LRP1B: variants seen among roughly 807,000 people sequenced by gnomAD.
LRP1B encodes the protein LDL receptor related protein 1B.
In LRP1B, 217 loss-of-function variants were observed where a neutral mutation model predicts 556.6. The ratio of observed to expected loss-of-function variants is 0.39; its 90% CI spans 0.35 to 0.44. The LOEUF (loss-of-function observed/expected upper bound fraction) is 0.44. Among genes scored for constraint, LRP1B ranks in the 20% least tolerant of loss-of-function variants. The probability of loss-of-function intolerance (pLI) is 1.00; values close to 1 mark genes in which losing one functional copy is unlikely to be tolerated. For missense variants in LRP1B, 5,053 were observed against 5,620.8 expected (o/e 0.90, Z 3.23); for synonymous variants, 2,047 against 1,865.8 (o/e 1.10, Z -2.50).
At chr2:141,482,587 G>C (rs1319125093) in intron 2 of LRP1B, among the ~76,000 whole-genome samples, 1 of 151,386 alleles carries the variant, frequency 6.6e-6, no homozygotes, top group East Asian at 1.9e-4. Flanking sequence ...TAAGTGAAAG[G>C]GTTTTCACTG....
At chr2:140,766,409 C>T (rs896375666) in intron 35 of LRP1B, among the ~76,000 whole-genome samples, 2 of 151,846 alleles carry the variant, frequency 1.3e-5, no homozygotes, top group Non-Finnish European at 2.9e-5. Flanking sequence ...TCATAAAACA[C>T]AGTTAATAAA....
chr2:141,229,011 ATGTGTT>A (rs1246999711), intron 6 of LRP1B, among the ~76,000 whole-genome samples, 166 bp downstream of exon 6: 1 of 152,236 alleles, frequency 6.6e-6, no homozygotes. Flanking sequence ...GTTTATGTGT[ATGTGTT>A]TGTATATGCA....
At chr2:140,562,284 T>C (rs974657930) in intron 43 of LRP1B, among the ~76,000 whole-genome samples, 9 of 152,188 alleles carry the variant, frequency 5.9e-5, no homozygotes, top group African/African-American at 2.2e-4. Context: ...GGAACCATTA[T>C]TCGAAAATAT....
At chr2:140,422,083 T>C (rs1348275596) in intron 66 of LRP1B, among the ~76,000 whole-genome samples, 1 of 152,218 alleles carries the variant, frequency 6.6e-6, no homozygotes, top group African/African-American at 2.4e-5. Context: ...AATAAAATGT[T>C]ATTTCTTTTC....
At chr2:140,849,014 G>C (rs1447116710) in intron 29 of LRP1B, among the ~76,000 whole-genome samples, 2 of 151,924 alleles carry the variant, frequency 1.3e-5, no homozygotes, top group Admixed American at 1.3e-4. Flanking sequence ...TTATATGTTA[G>C]TCTAGGTCTG....
intron 7 of LRP1B, among the ~76,000 whole-genome samples, chr2:141,131,673 T>TA (rs147046211): frequency 3.2e-4 from 48 of 149,726 alleles, no homozygotes; most frequent in South Asian, 1.5e-3. Context: ...TGGGAATCCA[T>TA]AAAAAAAAAG....
chr2:141,434,706 T>C (rs928194303), intron 3 of LRP1B, among the ~76,000 whole-genome samples: 6 of 152,102 alleles, frequency 3.9e-5, no homozygotes, highest in Non-Finnish European at 8.8e-5. Flanking sequence ...ATTTTAGATA[T>C]TGTAGCAAAT....
chr2:142,072,970 G>A (rs1295012597), intron 1 of LRP1B, among the ~76,000 whole-genome samples: 1 of 152,024 alleles, frequency 6.6e-6, no homozygotes, highest in Non-Finnish European at 1.5e-5. Flanking sequence ...CTTGCATCCT[G>A]TGAAATTCTC....
rs184981741 is a variant in LRP1B, at chr2:141,682,666, C to A, written c.205+127613G>T. Among the ~76,000 whole-genome samples the A allele has an allele frequency of 4.6e-5, 7 of 152,156 alleles. No homozygotes were observed. The Middle Eastern group carries it at 0.01, about 222-fold the overall frequency. ...TTAAAATGATAAATATAATTGAATA[C>A]AACCTACTTAGGCATTTGGGGATAG... On this transcript the variant is annotated intron_variant, in intron 2 of 90. Transcript: ENST00000389484.
chr2:141,716,250 T>C (rs148184297), intron 2 of LRP1B, among the ~76,000 whole-genome samples: 197 of 152,320 alleles, frequency 1.3e-3, no homozygotes, highest in African/African-American at 4.5e-3. Flanking sequence ...TAAAGGGCAT[T>C]AGAAACACTC....
intron 41 of LRP1B, among the ~76,000 whole-genome samples, chr2:140,609,703 A>C (rs1225424400): frequency 1.3e-5 from 2 of 152,114 alleles, no homozygotes; most frequent in African/African-American, 4.8e-5. Context: ...AATGCTTTTA[A>C]TTTTATGCCA....
intron 37 of LRP1B, among the ~76,000 whole-genome samples, chr2:140,712,082 TCACA>T (rs1383409298): frequency 1.3e-5 from 2 of 152,106 alleles, no homozygotes; most frequent in Non-Finnish European, 2.9e-5. Flanking sequence ...CCCTAACAGC[TCACA>T]CAGACAATTT....
chr2:141,884,712 A>C (rs910184480), intron 1 of LRP1B, among the ~76,000 whole-genome samples: 7 of 152,216 alleles, frequency 4.6e-5, no homozygotes, highest in Admixed American at 1.3e-4. Context: ...CATAGCTAAA[A>C]GTCACTATGA....
At chr2:141,343,420 T>G (rs1449717096) in intron 3 of LRP1B, among the ~76,000 whole-genome samples, 1 of 152,228 alleles carries the variant, frequency 6.6e-6, no homozygotes, top group Non-Finnish European at 1.5e-5. Context: ...ATTTTCTTGC[T>G]TTTTTGATTG....
rs2105456250 is a variant in LRP1B, at chr2:141,055,258, G to A, written c.1410C>T (p.Val470=). The change falls in exon 10 of 91, where the codon GTC becomes GTT. Residue 470 remains valine (V), a splice_region_variant and synonymous_variant. Transcript: ENST00000389484. ...GATCGACTTCACATGCATGGCTTCT[G>A]ACTACAACAAATAAAAAACAGCATG... ...RIYQKRTQPT[V]RSHACEVDPY... is the part of the protein sequence containing the mutation. 6.2e-7 allele frequency: 1 copy of A among 1,604,128 alleles called. No homozygotes were observed. Among genetic ancestry groups the A allele is most frequent in the Non-Finnish European group, 8.5e-7 (1 of 1,175,700 alleles).
intron 31 of LRP1B, among the ~76,000 whole-genome samples, chr2:140,839,004 A>G (rs2105092831): frequency 6.6e-6 from 1 of 152,302 alleles, no homozygotes; most frequent in East Asian, 1.9e-4. Context: ...ATGATTTGCA[A>G]TGGTTGGCAA....
chr2:141,699,798 T>C (rs945188021), intron 2 of LRP1B, among the ~76,000 whole-genome samples: 1 of 150,348 alleles, frequency 6.7e-6, no homozygotes, highest in Admixed American at 6.7e-5. Context: ...TTTTGAACTT[T>C]GTTGCCTTCT....
intron 37 of LRP1B, 99 bp from the exon 38 acceptor site, chr2:140,702,652 A>C: frequency 9.8e-7 from 1 of 1,020,888 alleles, no homozygotes; most frequent in Non-Finnish European, 1.5e-6. Context: ...TAGCATTCAC[A>C]CTAGAATAAA....
chr2:140,487,767 A>G lies in LRP1B; in HGVS notation c.9121-28T>C, dbSNP rs750904655. ...GAAAATAAAAAAGACTATGTTGTCAATGATAGTTCATAGAAATAATTATAA... is the reference window on the plus strand; with the variant it reads ...GAAAATAAAAAAGACTATGTTGTCAGTGATAGTTCATAGAAATAATTATAA... On this transcript the variant is annotated intron_variant, in intron 57 of 90. Coordinates refer to ENST00000389484, the MANE Select transcript of LRP1B (RefSeq NM_018557.3). 7.9e-6 allele frequency: 11 copies of G among 1,400,208 alleles called. No individual in the cohort carries two copies. The East Asian group carries it at 2.4e-4, about 30-fold the overall frequency. 86.7% of individuals were successfully genotyped at this position (1,400,208 alleles called of 1,614,324 possible).
Sources: gnomAD v4.1 joint callset for allele counts (sites outside exome capture counted in the v4.1 genomes callset) on GRCh38, gnomAD v4.1.1 for gene constraint, MANE v1.5 for transcripts, NCBI Gene and HGNC (gene_info 2026-07-23, HGNC 2026-07-21) for gene names.